The following RARB variants were observed in gnomAD, a reference collection of about 807,000 sequenced individuals.
RARB encodes the protein HBV-activated protein.
In RARB, 17 loss-of-function variants were observed where a neutral mutation model predicts 51.9. The ratio of observed to expected loss-of-function variants is 0.33; its 90% CI spans 0.22 to 0.49. The LOEUF is 0.49. RARB is among the 20% of genes least tolerant of loss of function. The pLI is 0.99. For synonymous variants in RARB, 215 were observed against 195.4 expected, an observed-to-expected ratio of 1.10 and a Z score of -0.84; for missense variants, 369 against 550.8, an observed-to-expected ratio of 0.67 and a Z score of 3.30.
At chr3:25,583,454 C>T (rs572436981) in intron 5 of RARB, among the ~76,000 whole-genome samples, 55 of 152,316 alleles carry the variant, frequency 3.6e-4, no homozygotes, top group African/African-American at 1.3e-3. Flanking sequence ...TTCAGAGCCA[C>T]GTGTCTCGTG....
intron 2 of RARB, among the ~76,000 whole-genome samples, chr3:25,470,813 T>G (rs1481533314): frequency 6.6e-6 from 1 of 151,262 alleles, no homozygotes; most frequent in Non-Finnish European, 1.5e-5. Context: ...TGAAATTAAG[T>G]CATTATTACC....
intron 5 of RARB, among the ~76,000 whole-genome samples, chr3:25,241,388 T>C (rs1160612760): frequency 6.6e-6 from 1 of 152,114 alleles, no homozygotes; most frequent in Non-Finnish European, 1.5e-5. Context: ...TAGGTATACA[T>C]GGAACCATGT....
intron 3 of RARB, among the ~76,000 whole-genome samples, chr3:25,082,789 C>T (rs1462236772): frequency 6.6e-6 from 1 of 152,068 alleles, no homozygotes; most frequent in African/African-American, 2.4e-5. Flanking sequence ...ACTTTCTCTG[C>T]TGTTTCCAAT....
At chr3:25,120,059 T>C (rs1699754694) in intron 3 of RARB, among the ~76,000 whole-genome samples, 1 of 152,076 alleles carries the variant, frequency 6.6e-6, no homozygotes, top group East Asian at 1.9e-4. Context: ...AATCCTGAGA[T>C]CCTGAGTGTG....
chr3:24,896,748 A>G, intron 2 of RARB, among the ~76,000 whole-genome samples: 1 of 152,162 alleles, frequency 6.6e-6, no homozygotes, highest in African/African-American at 2.4e-5. Context: ...ATTTCTCCCA[A>G]GCTTGTTAGA....
intron 3 of RARB, among the ~76,000 whole-genome samples, chr3:25,131,564 A>G (rs184606317): frequency 3.8e-4 from 58 of 152,128 alleles, no homozygotes; most frequent in Admixed American, 1.1e-3. Context: ...CTGGCATGCT[A>G]TAATTTCTCA....
intron 5 of RARB, among the ~76,000 whole-genome samples, chr3:25,366,089 A>G (rs963202986): frequency 3.0e-4 from 45 of 152,216 alleles, no homozygotes; most frequent in Admixed American, 1.4e-3. Flanking sequence ...ATGAGACACA[A>G]CTAGACTTGC....
At chr3:25,296,273 T>G (rs997882521) in intron 5 of RARB, among the ~76,000 whole-genome samples, 5 of 152,186 alleles carry the variant, frequency 3.3e-5, no homozygotes, top group Non-Finnish European at 5.9e-5. Flanking sequence ...GCCTGGAGTC[T>G]GCCAAAAAGG....
At chr3:25,333,476 G>A (rs1704966350) in intron 5 of RARB, among the ~76,000 whole-genome samples, 1 of 151,982 alleles carries the variant, frequency 6.6e-6, no homozygotes, top group Non-Finnish European at 1.5e-5. Context: ...CTAGCCATAT[G>A]TAGAAAGCTG....
intron 5 of RARB, among the ~76,000 whole-genome samples, chr3:25,588,511 C>T (rs1420435623): frequency 1.3e-5 from 2 of 152,142 alleles, no homozygotes; most frequent in Admixed American, 6.6e-5. Flanking sequence ...TATTCATTAT[C>T]TATTGCAGTG....
intron 2 of RARB, among the ~76,000 whole-genome samples, chr3:25,033,609 A>AT (rs1309968354): frequency 1.3e-5 from 2 of 152,112 alleles, no homozygotes; most frequent in Non-Finnish European, 2.9e-5. Context: ...AACAGTCAAG[A>AT]AGAGCTCCCC....
intron 2 of RARB, among the ~76,000 whole-genome samples, chr3:24,977,151 T>G (rs181315260): frequency 0.012 from 1,847 of 152,298 alleles, 37 homozygotes; most frequent in African/African-American, 0.042. Context: ...CCATGCTGTT[T>G]CGGTTACTGT....
At chr3:25,350,281 C>A (rs1270103862) in intron 5 of RARB, among the ~76,000 whole-genome samples, 2 of 152,168 alleles carry the variant, frequency 1.3e-5, no homozygotes, top group Admixed American at 1.3e-4. Flanking sequence ...CATGATGATG[C>A]TGGATTTTCC....
At chr3:24,872,089 C>T (rs759388739) in intron 2 of RARB, among the ~76,000 whole-genome samples, 3 of 152,120 alleles carry the variant, frequency 2.0e-5, no homozygotes, top group African/African-American at 7.2e-5. Flanking sequence ...TTAAAGTCCT[C>T]GAATGATTCC....
At chr3:25,362,997 T>A (rs1403696740) in intron 5 of RARB, among the ~76,000 whole-genome samples, 1 of 152,068 alleles carries the variant, frequency 6.6e-6, no homozygotes, top group African/African-American at 2.4e-5. Flanking sequence ...TTTCAATCGA[T>A]TTACAGGTCC....
chr3:24,873,467 C>G (rs1257517286), intron 2 of RARB, among the ~76,000 whole-genome samples: 1 of 151,832 alleles, frequency 6.6e-6, no homozygotes, highest in Non-Finnish European at 1.5e-5. Context: ...ATATATTATT[C>G]CATTCTTGTT....
At chr3:25,427,654 A>C (rs1270821241), upstream of RARB, among the ~76,000 whole-genome samples, 1 of 152,248 alleles carries the variant, frequency 6.6e-6, no homozygotes, top group African/African-American at 2.4e-5. Context: ...ATTGCAGAGC[A>C]AACGAGTGCA....
intron 5 of RARB, among the ~76,000 whole-genome samples, chr3:25,228,159 G>A (rs1305330505): frequency 6.7e-6 from 1 of 148,744 alleles, no homozygotes; most frequent in African/African-American, 2.5e-5. Context: ...CCATTTGGAT[G>A]TGCAGATACA....
intron 2 of RARB, among the ~76,000 whole-genome samples, chr3:24,925,375 G>T (rs1266418082): frequency 1.3e-5 from 2 of 152,004 alleles, no homozygotes; most frequent in Non-Finnish European, 2.9e-5. Context: ...TGGCATGGTG[G>T]CTCAAGCCTG....
Sources: gnomAD v4.1 joint callset for allele counts (sites outside exome capture counted in the v4.1 genomes callset) on GRCh38, gnomAD v4.1.1 for gene constraint, MANE v1.5 for transcripts, NCBI Gene and HGNC (gene_info 2026-07-23, HGNC 2026-07-21) for gene names.